MACROD2: variants seen among roughly 807,000 people sequenced by gnomAD.
MACROD2 encodes ADP-ribose glycohydrolase MACROD2.
A neutral mutation model predicts 70.4 loss-of-function variants in MACROD2; 36 were observed. That is an observed-to-expected ratio of 0.51 (90% confidence interval 0.39 to 0.68). The LOEUF is 0.68. Among genes scored for constraint, MACROD2 ranks in the 30% least tolerant of loss-of-function variants. MACROD2 has a pLI of 0.00. For synonymous variants in MACROD2, 172 were observed against 178.8 expected (o/e 0.96, Z 0.30); for missense variants, 496 against 538.4 (o/e 0.92, Z 0.78).
rs185304815 is a variant in MACROD2, at chr20:14,482,497, G to A, written c.272-10982G>A. 5.3e-5 allele frequency among the ~76,000 whole-genome samples: 8 copies of A among 150,842 alleles called. No individual in the cohort carries two copies. In the East Asian group the frequency reaches 1.6e-3, roughly 30 times the overall value. On this transcript the variant is annotated intron_variant, in intron 3 of 17. Coordinates refer to ENST00000684519, the MANE Select transcript of MACROD2 (RefSeq NM_001351661.2). Reference sequence around the variant, plus strand: ...TGGCCACGTCATGAGTTAGATTTGTGCAAGAAGTTAGTTCAAATTTCTTGA... The same window carrying A: ...TGGCCACGTCATGAGTTAGATTTGTACAAGAAGTTAGTTCAAATTTCTTGA...
intron 6 of MACROD2, among the ~76,000 whole-genome samples, chr20:15,241,032 G>A (rs2077055880): frequency 6.6e-6 from 1 of 152,192 alleles, no homozygotes; most frequent in African/African-American, 2.4e-5. Flanking sequence ...AATGCAGTGA[G>A]TATGCAGGCA....
chr20:15,871,733 T>C lies in MACROD2; in HGVS notation c.727+8907T>C, dbSNP rs147763021. The stretch of plus-strand genomic sequence containing the variant: ...TTGGGTAAGCAACATAGAGGGAGAA[T>C]GGCAGTTCAGATTGGAAAAATTGTA... On this transcript the variant is annotated intron_variant, in intron 9 of 17. Coordinates refer to ENST00000684519, the MANE Select transcript of MACROD2 (RefSeq NM_001351661.2). Among the ~76,000 whole-genome samples the C allele has an allele frequency of 2.4e-3, 372 of 152,266 alleles. 3 individuals carry two copies. The highest frequency in any genetic ancestry group is 8.7e-3 in the African/African-American group (361 of 41,546).
chr20:15,735,867 T>C (rs932479883), intron 8 of MACROD2, among the ~76,000 whole-genome samples: 1 of 152,216 alleles, frequency 6.6e-6, no homozygotes, highest in African/African-American at 2.4e-5. Flanking sequence ...ATTATAGATC[T>C]TCTCTTGATC....
At chr20:15,980,838 G>T (rs895824225) in intron 13 of MACROD2, among the ~76,000 whole-genome samples, 1 of 152,136 alleles carries the variant, frequency 6.6e-6, no homozygotes, top group African/African-American at 2.4e-5. Context: ...TTTTTGCCGG[G>T]CCAGAATAGT....
At chr20:15,412,819 A>G (rs910881199) in intron 6 of MACROD2, among the ~76,000 whole-genome samples, 1 of 152,162 alleles carries the variant, frequency 6.6e-6, no homozygotes, top group African/African-American at 2.4e-5. Context: ...CTCTATGTTC[A>G]TTCTATAACT....
At chr20:15,971,619 T>G (rs1738000893) in intron 13 of MACROD2, among the ~76,000 whole-genome samples, 2 of 152,170 alleles carry the variant, frequency 1.3e-5, no homozygotes, top group Non-Finnish European at 2.9e-5. Context: ...AAGTTCAAGA[T>G]TCCTCCTCTA....
At chr20:14,553,190 T>A (rs1978777453) in intron 4 of MACROD2, among the ~76,000 whole-genome samples, 1 of 150,652 alleles carries the variant, frequency 6.6e-6, no homozygotes, top group Admixed American at 6.6e-5. Flanking sequence ...TTTTTTTACT[T>A]AATTTTTTTT....
intron 3 of MACROD2, among the ~76,000 whole-genome samples, chr20:14,232,939 T>C (rs780002602): frequency 6.6e-6 from 1 of 152,256 alleles, no homozygotes; most frequent in Non-Finnish European, 1.5e-5. Context: ...TGTGACTCTT[T>C]CTTTCAGTTG....
At chr20:14,879,845 T>C (rs980751533) in intron 5 of MACROD2, among the ~76,000 whole-genome samples, 2 of 152,154 alleles carry the variant, frequency 1.3e-5, no homozygotes, top group Non-Finnish European at 2.9e-5. Context: ...AAAATAATTT[T>C]AAATACACCT....
chr20:15,301,899 G>T (rs2077648079), intron 6 of MACROD2, among the ~76,000 whole-genome samples: 1 of 152,042 alleles, frequency 6.6e-6, no homozygotes, highest in Non-Finnish European at 1.5e-5. Context: ...ATGTGCAAAG[G>T]ATGTCTTAAA....
chr20:15,289,297 AGT>A lies in MACROD2; in HGVS notation c.540+59238_540+59239del, dbSNP rs1445758152. On this transcript the variant is annotated intron_variant, in intron 6 of 17. Transcript: ENST00000684519. ...GTCCTCCTTCAAGCATTGTGCTGGT[AGT>A]GACACAAGGATTTAGAAAGGGAGAA... 3.3e-5 allele frequency among the ~76,000 whole-genome samples: 5 copies of A among 152,340 alleles called. No individual in the cohort carries two copies. In the South Asian group the frequency reaches 8.3e-4, roughly 25 times the overall value.
At chr20:15,439,847 G>A (rs968119839) in intron 7 of MACROD2, among the ~76,000 whole-genome samples, 1 of 152,244 alleles carries the variant, frequency 6.6e-6, no homozygotes, top group East Asian at 1.9e-4. Context: ...AGAAAGCCCT[G>A]TGCTACTTTT....
At chr20:14,595,105 A>G (rs1449375081) in intron 4 of MACROD2, among the ~76,000 whole-genome samples, 2 of 152,118 alleles carry the variant, frequency 1.3e-5, no homozygotes, top group African/African-American at 4.8e-5. Context: ...CAACAATCAA[A>G]TAAACAACTC....
At chr20:15,492,642 A>G (rs1350111314) in intron 7 of MACROD2, among the ~76,000 whole-genome samples, 1 of 152,220 alleles carries the variant, frequency 6.6e-6, no homozygotes, top group Non-Finnish European at 1.5e-5. Flanking sequence ...TGATCAACCC[A>G]GTGATACATC....
chr20:14,934,752 C>G (rs2074326036), intron 5 of MACROD2, among the ~76,000 whole-genome samples: 1 of 152,092 alleles, frequency 6.6e-6, no homozygotes, highest in African/African-American at 2.4e-5. Flanking sequence ...TACCACTGCA[C>G]TCTAGCCTGG....
At chr20:15,835,397 A>G (rs547633662) in intron 8 of MACROD2, among the ~76,000 whole-genome samples, 137 of 152,240 alleles carry the variant, frequency 9.0e-4, no homozygotes, top group Non-Finnish European at 1.7e-3. Context: ...CTTGCCTGAT[A>G]CTTAATATCA....
At chr20:14,002,046 GTTTAC>G (rs917498680) in intron 1 of MACROD2, among the ~76,000 whole-genome samples, 1 of 152,134 alleles carries the variant, frequency 6.6e-6, no homozygotes, top group African/African-American at 2.4e-5. Flanking sequence ...GTGTAAATGA[GTTTAC>G]TTATTTCTTG....
intron 10 of MACROD2, among the ~76,000 whole-genome samples, chr20:15,917,816 A>T (rs1023379134): frequency 3.3e-5 from 5 of 151,866 alleles, no homozygotes; most frequent in African/African-American, 1.2e-4. Flanking sequence ...ATTAACATGT[A>T]TGTGTGATTA....
intron 10 of MACROD2, among the ~76,000 whole-genome samples, chr20:15,890,435 G>GT (rs1210415267): frequency 6.6e-6 from 1 of 152,168 alleles, no homozygotes; most frequent in African/African-American, 2.4e-5. Context: ...TCCCAGTGAG[G>GT]TTGCAAATGT....
Sources: gnomAD v4.1 joint callset for allele counts (sites outside exome capture counted in the v4.1 genomes callset) on GRCh38, gnomAD v4.1.1 for gene constraint, MANE v1.5 for transcripts, NCBI Gene and HGNC (gene_info 2026-07-23, HGNC 2026-07-21) for gene names.